The following CHLSN variants were observed in gnomAD, a reference collection of about 807,000 sequenced individuals.
CHLSN encodes the protein protein cholesin.
At chr7:992,195 C>G in the CHLSN span, among the ~76,000 whole-genome samples, 28 of 152,234 alleles carry the variant, frequency 1.8e-4, no homozygotes, top group Non-Finnish European at 4.4e-5. Context: ...TGTACCCCCC[C>G]GCCTCTAGGT....
the CHLSN span, among the ~76,000 whole-genome samples, chr7:1,122,445 C>G: frequency 6.6e-6 from 1 of 152,222 alleles, no homozygotes; most frequent in Admixed American, 6.5e-5. Flanking sequence ...GGGGTGGTCA[C>G]GCGTATGCCG....
At chr7:1,125,645 C>T in the CHLSN span, among the ~76,000 whole-genome samples, 1 of 152,222 alleles carries the variant, frequency 6.6e-6, no homozygotes, top group African/African-American at 2.4e-5. Flanking sequence ...ATTTACTCAT[C>T]TATGTCAGCA....
the CHLSN span, chr7:1,022,819 C>G: frequency 3.2e-6 from 1 of 312,230 alleles, no homozygotes; most frequent in Non-Finnish European, 6.5e-6. Flanking sequence ...TCTCCCCCTT[C>G]CATGTTGATA....
the CHLSN span, among the ~76,000 whole-genome samples, chr7:982,316 C>T: frequency 3.9e-5 from 6 of 152,238 alleles, no homozygotes; most frequent in African/African-American, 7.2e-5. Context: ...CTCTGCGGTT[C>T]GTACAGGGCA....
At chr7:988,170 G>A in the CHLSN span, 28 of 1,309,602 alleles carry the variant, frequency 2.1e-5, no homozygotes, top group Middle Eastern at 4.0e-4. Flanking sequence ...CTAACACCAG[G>A]TGTGGTGGGT....
the CHLSN span, chr7:1,043,880 C>G: frequency 6.6e-6 from 1 of 152,266 alleles, no homozygotes; most frequent in South Asian, 2.1e-4. Context: ...AACCCACATG[C>G]TTTGATTTTC....
the CHLSN span, chr7:1,092,423 T>C: frequency 3.3e-5 from 53 of 1,608,558 alleles, no homozygotes; most frequent in Admixed American, 7.0e-4. Context: ...ATCATCGGCC[T>C]GTGCTACTCC....
the CHLSN span, chr7:1,093,541 C>T: frequency 7.2e-5 from 34 of 471,046 alleles, no homozygotes; most frequent in South Asian, 5.1e-4. Context: ...GAGCGCCCGC[C>T]GTCTGCTCCG....
the CHLSN span, among the ~76,000 whole-genome samples, chr7:984,783 CCAAGT>C: frequency 6.6e-6 from 1 of 152,288 alleles, no homozygotes; most frequent in South Asian, 2.1e-4. Flanking sequence ...TCTTTTCATC[CCAAGT>C]CAAGAGGGGC....
chr7:1,110,739 T>C, the CHLSN span, among the ~76,000 whole-genome samples: 2 of 150,772 alleles, frequency 1.3e-5, no homozygotes, highest in South Asian at 2.1e-4. Flanking sequence ...ACATGAAGGA[T>C]AGATAAAGGC....
At chr7:1,085,966 T>C in the CHLSN span, among the ~76,000 whole-genome samples, 8 of 152,266 alleles carry the variant, frequency 5.3e-5, no homozygotes, top group African/African-American at 1.4e-4. Flanking sequence ...GTCCGGGCCC[T>C]GTCTCTTACA....
chr7:1,091,086 T>C, the CHLSN span, among the ~76,000 whole-genome samples: 20 of 152,302 alleles, frequency 1.3e-4, no homozygotes, highest in Non-Finnish European at 2.8e-4. Flanking sequence ...GCCGTGCCCA[T>C]ACCTTCATTG....
chr7:1,037,125 T>C, the CHLSN span, among the ~76,000 whole-genome samples: 6 of 147,128 alleles, frequency 4.1e-5, 1 homozygote, highest in South Asian at 2.2e-4. Flanking sequence ...AAAAATTTTT[T>C]TTAGCAAACC....
At chr7:1,096,311 A>T in the CHLSN span, among the ~76,000 whole-genome samples, 1 of 152,242 alleles carries the variant, frequency 6.6e-6, no homozygotes, top group Non-Finnish European at 1.5e-5. This position sits in a 1 kb window ranked among gnomAD's most constrained non-coding sequence, Gnocchi z 4.6. Context: ...CTCTGAGGCC[A>T]GTCACACGAG....
At chr7:1,063,390 C>G in the CHLSN span, among the ~76,000 whole-genome samples, 1 of 152,224 alleles carries the variant, frequency 6.6e-6, no homozygotes, top group Non-Finnish European at 1.5e-5. Flanking sequence ...TCGGGTGCTC[C>G]TGAGAAACGG....
At chr7:1,018,243 C>T in the CHLSN span, among the ~76,000 whole-genome samples, 1 of 151,120 alleles carries the variant, frequency 6.6e-6, no homozygotes, top group Non-Finnish European at 1.5e-5. Context: ...AGAGCCGAGG[C>T]CCTACAGGAA....
the CHLSN span, chr7:1,000,355 C>CGGGAGACGT: frequency 1.1e-6 from 1 of 915,234 alleles, no homozygotes; most frequent in Non-Finnish European, 1.6e-6. Flanking sequence ...CCTCAGCCCC[C>CGGGAGACGT]GGGAGACGTG....
chr7:1,032,962 G>A, the CHLSN span, among the ~76,000 whole-genome samples: 1 of 152,182 alleles, frequency 6.6e-6, no homozygotes, highest in Non-Finnish European at 1.5e-5. Context: ...GTGAGCCCCA[G>A]GTTGCTGGAG....
the CHLSN span, chr7:1,021,639 T>C: frequency 1.1e-6 from 1 of 928,448 alleles, no homozygotes; most frequent in Non-Finnish European, 1.3e-6. Context: ...GTGACTGGCT[T>C]TGCTGCCACC....
Sources: gnomAD v4.1 joint callset for allele counts (sites outside exome capture counted in the v4.1 genomes callset) on GRCh38, gnomAD v4.1.1 for gene constraint, Gnocchi (gnomAD v3.1) non-coding constraint, MANE v1.5 for transcripts, NCBI Gene and HGNC (gene_info 2026-07-23, HGNC 2026-07-21) for gene names.